The following NPC1 variants were observed in gnomAD, a reference collection of about 807,000 sequenced individuals.
The protein encoded by NPC1 is NPC intracellular cholesterol transporter 1.
NPC1 carries 85 observed loss-of-function variants against 140.4 expected under a neutral mutation model. The observed-to-expected ratio is 0.61, with a 90% CI of 0.51 to 0.72. The LOEUF (loss-of-function observed/expected upper bound fraction) is 0.72. Ranked by LOEUF, NPC1 falls within the 30% of genes least tolerant of loss-of-function variation. The pLI is 0.00. For synonymous variants in NPC1, 656 were observed against 624.8 expected, an observed-to-expected ratio of 1.05 and a Z score of -0.74; for missense variants, 1,504 against 1,623.8, an observed-to-expected ratio of 0.93 and a Z score of 1.27.
chr18:23,515,361 C>G (rs1236777276), intron 3 of NPC1, among the ~76,000 whole-genome samples: 3 of 152,078 alleles, frequency 2.0e-5, no homozygotes, highest in African/African-American at 7.2e-5. Flanking sequence ...GCCTCTCAGT[C>G]GTGGCAAAGA....
At chr18:23,513,852 A>G (rs189715140) in intron 3 of NPC1, among the ~76,000 whole-genome samples, 63 of 152,328 alleles carry the variant, frequency 4.1e-4, no homozygotes, top group Admixed American at 4.0e-3. Flanking sequence ...AATTCGGGTC[A>G]TTGTGCCTAT....
intron 21 of NPC1, among the ~76,000 whole-genome samples, chr18:23,535,958 T>C (rs973785286): frequency 6.6e-6 from 1 of 152,152 alleles, no homozygotes; most frequent in African/African-American, 2.4e-5. Context: ...ATCTATGCTA[T>C]TTTATAGACA....
At chr18:23,569,815 C>A (rs1178100731) in intron 3 of NPC1, among the ~76,000 whole-genome samples, 1 of 152,176 alleles carries the variant, frequency 6.6e-6, no homozygotes, top group African/African-American at 2.4e-5. Context: ...GAGCACACAA[C>A]TGCACAAGAA....
intron 1 of NPC1, chr18:23,524,106 C>T (rs1264787543): frequency 1.2e-6 from 2 of 1,613,678 alleles, no homozygotes; most frequent in Admixed American, 1.7e-5. Context: ...TGCATCGTTG[C>T]ACTTATGTTT....
chr18:23,585,598 C>A (rs767230016), intron 1 of NPC1, among the ~76,000 whole-genome samples: 20 of 152,314 alleles, frequency 1.3e-4, no homozygotes, highest in South Asian at 4.1e-4. Context: ...TACAGACACA[C>A]AAATACTGAG....
chr18:23,532,887 G>T, intron 24 of NPC1: 1 of 985,384 alleles, frequency 1.0e-6, no homozygotes, highest in Non-Finnish European at 1.2e-6. Flanking sequence ...TGTGCAAGGT[G>T]AAGTGGCCAT....
Position 23,531,881 on chromosome 18 carries a change from A to T in NPC1, c.*321T>A. ...AAAAGGAGAGACAGACAGTGCATTG[A>T]TTGGCCTTTACAGAGTGTCAGTGAG... On this transcript the variant is annotated 3_prime_UTR_variant, in exon 25 of 25. Transcript: ENST00000269228. The T allele has an allele frequency of 2.8e-6, 4 of 1,444,806 alleles. No individual in the cohort carries two copies. Among genetic ancestry groups the T allele is most frequent in the South Asian group, 1.5e-5 (1 of 67,272 alleles). 89.5% of individuals were successfully genotyped at this position (1,444,806 alleles called of 1,614,324 possible).
chr18:23,559,787 T>C (rs756091967), intron 6 of NPC1, among the ~76,000 whole-genome samples: 30 of 152,104 alleles, frequency 2.0e-4, no homozygotes, highest in Non-Finnish European at 3.5e-4. Flanking sequence ...CCGTCTCTAC[T>C]AAAAATACAA....
At chr18:23,583,106 CA>C (rs3083464) in intron 1 of NPC1, among the ~76,000 whole-genome samples, 170 of 109,974 alleles carry the variant, frequency 1.5e-3, no homozygotes, top group African/African-American at 4.5e-3. Flanking sequence ...GACCCTGTTT[CA>C]AAAAAAAAAA....
At chr18:23,545,227 G>A (rs933262243) in intron 11 of NPC1, 78 bp from the exon 12 acceptor site, 18 of 1,079,940 alleles carry the variant, frequency 1.7e-5, no homozygotes, top group East Asian at 7.2e-5. Context: ...TAACTTTCAC[G>A]ATACAAAGGC....
intron 6 of NPC1, among the ~76,000 whole-genome samples, chr18:23,558,123 C>T (rs1016966659): frequency 8.5e-5 from 13 of 152,116 alleles, no homozygotes; most frequent in Non-Finnish European, 1.2e-4. Flanking sequence ...AAAAAAATCA[C>T]TATCAGGCAA....
At chr18:23,574,653 C>CATCA (rs2059249529) in intron 1 of NPC1, among the ~76,000 whole-genome samples, 2 of 152,130 alleles carry the variant, frequency 1.3e-5, no homozygotes, top group African/African-American at 4.8e-5. Flanking sequence ...AAATCCAAGG[C>CATCA]ATCAATATCA....
chr18:23,532,324 A>T, intron 24 of NPC1, 40 bp from the exon 25 acceptor site: 1 of 1,612,734 alleles, frequency 6.2e-7, no homozygotes, highest in Non-Finnish European at 8.5e-7. Context: ...CTGCAGGAGA[A>T]AGGGAGCTAG....
chr18:23,525,738 G>A (rs1018799895), downstream of NPC1, among the ~76,000 whole-genome samples: 19 of 151,128 alleles, frequency 1.3e-4, no homozygotes, highest in African/African-American at 4.1e-4. Context: ...TTTTTTTTTT[G>A]TAGAGACAGG....
At chr18:23,530,203 G>A, downstream of NPC1, 1 of 1,614,030 alleles carries the variant, frequency 6.2e-7, no homozygotes, top group Non-Finnish European at 8.5e-7. Context: ...CTTTCCAACT[G>A]AAGTGGGTCT....
chr18:23,567,994 C>T (rs2059150393), intron 4 of NPC1, among the ~76,000 whole-genome samples: 1 of 152,144 alleles, frequency 6.6e-6, no homozygotes, highest in Non-Finnish European at 1.5e-5. Context: ...CTTTTCCTCT[C>T]CTGTCTAGAA....
chr18:23,526,687 C>A (rs2145264675), downstream of NPC1: 1 of 1,614,146 alleles, frequency 6.2e-7, no homozygotes, highest in South Asian at 1.1e-5. Flanking sequence ...AAATCTCTTA[C>A]CAGACAAAGG....
At chr18:23,557,628 G>A (rs182157165) in intron 6 of NPC1, among the ~76,000 whole-genome samples, 11 of 152,260 alleles carry the variant, frequency 7.2e-5, no homozygotes, top group Admixed American at 5.9e-4. Flanking sequence ...GTGGTGGCAC[G>A]TGCCTTGGGA....
rs148730292 is a variant in NPC1, at chr18:23,516,212, G to T, written c.432-9570C>A. On this transcript the variant is annotated intron_variant, in intron 3 of 3. Transcript: ENST00000591107. ...GAGAGGACATGGGGGACGGTGGAAA[G>T]GATCCAAAGACGAAGTCTGTGTTTA... The T allele has an allele frequency of 1.8e-3, 2,552 of 1,407,758 alleles. 5 individuals are homozygous for T. The highest frequency in any genetic ancestry group is 3.3e-3 in the South Asian group (282 of 84,384). The allele number at this position is 1,407,758 out of a possible 1,614,324, so 87.2% of individuals were successfully genotyped here.
Sources: gnomAD v4.1 joint callset for allele counts (sites outside exome capture counted in the v4.1 genomes callset) on GRCh38, gnomAD v4.1.1 for gene constraint, MANE v1.5 for transcripts, NCBI Gene and HGNC (gene_info 2026-07-23, HGNC 2026-07-21) for gene names.